Variants in ISL1 observed in about 807,000 individuals in gnomAD.
The protein encoded by ISL1 is ISL LIM homeobox 1, also known as insulin gene enhancer protein ISL-1.
ISL1 carries 4 observed loss-of-function variants against 35.3 expected under a neutral mutation model. The ratio of observed to expected loss-of-function variants is 0.11; its 90% CI spans 0.06 to 0.26. The LOEUF (loss-of-function observed/expected upper bound fraction) is 0.26. Among genes scored for constraint, ISL1 ranks in the 10% least tolerant of loss-of-function variants. ISL1 has a pLI of 1.00. For synonymous variants in ISL1, 186 were observed against 172.3 expected, an observed-to-expected ratio of 1.08 and a Z score of -0.62; for missense variants, 340 against 472.8, an observed-to-expected ratio of 0.72 and a Z score of 2.60.
At chr5:51,390,393 C>A (rs2111850511) in intron 4 of ISL1, among the ~76,000 whole-genome samples, 1 of 152,194 alleles carries the variant, frequency 6.6e-6, no homozygotes, top group Non-Finnish European at 1.5e-5. Context: ...CCCTGTGAGC[C>A]CCCAGGGCGC....
Position 51,393,936 on chromosome 5 carries a change from C to A in ISL1, c.*326C>A, listed in dbSNP as rs1294787199. The stretch of plus-strand genomic sequence containing the variant: ...TCAAGGATCTCAAAGAAAGCATTTT[C>A]ATTTCACTGCACATCTAGAGAAAAA... On this transcript the variant is annotated 3_prime_UTR_variant, in exon 6 of 6. Coordinates refer to ENST00000230658, the MANE Select transcript of ISL1 (RefSeq NM_002202.3). 46 of 353,668 alleles carry A rather than the reference C, an allele frequency of 1.3e-4. No individual in the cohort carries two copies. In the East Asian group the frequency reaches 3.2e-3, roughly 24 times the overall value. The allele number at this position is 353,668 out of a possible 1,614,324, so 21.9% of individuals were successfully genotyped here.
intron 1 of ISL1, 54 bp downstream of exon 1, chr5:51,383,753 C>G (rs1747269989): frequency 1.4e-6 from 2 of 1,478,928 alleles, no homozygotes; most frequent in Admixed American, 3.3e-5. Flanking sequence ...GTGCGGGGTT[C>G]TCTCTCAGGC....
rs1254767855 is a variant in ISL1 at position 51,387,714 on chromosome 5, G to A, written c.443G>A (p.Ser148Asn). 1.3e-5 allele frequency: 21 copies of A among 1,614,202 alleles called. No individual in the cohort carries two copies. Among genetic ancestry groups the A allele is most frequent in the Non-Finnish European group, 1.8e-5 (21 of 1,180,044 alleles). Residue 148 changes from serine to asparagine, a missense_variant, in exon 3 of 6, where the codon AGT (serine) becomes AAT (asparagine). Ser to Asn is a conservative substitution (Grantham distance 46). This residue lies in a region of ISL1 where 94 missense variants were observed against 102.1 expected (regional missense o/e 0.92). Coordinates refer to ENST00000230658, the MANE Select transcript of ISL1 (RefSeq NM_002202.3). The surrounding 1 kb of genome is among the most constrained non-coding windows in gnomAD (Gnocchi z 4.3). ...AGTCTAGGCGCTGGCGACCCGCTCA[G>A]TCCCCTGCATCCAGCGCGGCCACTG... ...RASLGAGDPL[S>N]PLHPARPLQM...
intron 5 of ISL1, 182 bp downstream of exon 5, chr5:51,391,623 C>T (rs1223129462): frequency 1.5e-5 from 8 of 534,420 alleles, no homozygotes; most frequent in East Asian, 7.0e-5. Context: ...CTCTTGGCAT[C>T]TTTTTTTTTT....
rs57707586 is a variant in ISL1 at position 51,390,642 on chromosome 5, C to CTTTTTTTTTTTTTTTTT, written c.766-610_766-594dup. On this transcript the variant is annotated intron_variant, in intron 4 of 5. Coordinates refer to ENST00000230658, the MANE Select transcript of ISL1 (RefSeq NM_002202.3). The stretch of plus-strand genomic sequence containing the variant: ...TCCTTTTTTTCTTTTCTTTCTTTTT[C>CTTTTTTTTTTTTTTTTT]TTTTTTTTTTTTTTTTTTTTTTTTT... 2.5e-3 allele frequency among the ~76,000 whole-genome samples: 100 copies of CTTTTTTTTTTTTTTTTT among 40,100 alleles called. 5 individuals carry two copies. Among genetic ancestry groups the CTTTTTTTTTTTTTTTTT allele is most frequent in the Non-Finnish European group, 3.4e-3 (73 of 21,212 alleles). 26.3% of individuals were successfully genotyped at this position (40,100 alleles called of 152,430 possible). A position where few individuals can be genotyped will look rare whatever the true frequency, so the allele number is the denominator to read the frequency against.
At chr5:51,391,578 T>C (rs2111855216) in intron 5 of ISL1, 137 bp downstream of exon 5, 1 of 935,712 alleles carries the variant, frequency 1.1e-6, no homozygotes, top group African/African-American at 1.6e-5. Flanking sequence ...AGGTGGGTAA[T>C]GAAGAGAAGG....
chr5:51,384,519 CA>C, intron 1 of ISL1, 21 bp from the exon 2 acceptor site: 1 of 1,609,340 alleles, frequency 6.2e-7, no homozygotes. Flanking sequence ...GTTAGTCAAT[CA>C]TGTATTTATT....
At position 51,383,649 on chromosome 5, in the gene ISL1, G is replaced by C. The variant is rs1336379947; in HGVS notation, c.-23G>C. 1 of 1,597,788 alleles carries C rather than the reference G, an allele frequency of 6.3e-7. No homozygotes were observed. The highest frequency in any genetic ancestry group is 8.6e-7 in the Non-Finnish European group (1 of 1,165,148). On this transcript the variant is annotated 5_prime_UTR_variant, in exon 1 of 6. Coordinates refer to ENST00000230658, the MANE Select transcript of ISL1 (RefSeq NM_002202.3). ...AACTGTACAACCACCATTTCACTGT[G>C]GACATTACTCCCTCTTACAGATATG...
intron 5 of ISL1, among the ~76,000 whole-genome samples, 189 bp downstream of exon 5, chr5:51,391,630 T>A (rs952666318): frequency 2.0e-5 from 3 of 152,086 alleles, no homozygotes; most frequent in Admixed American, 2.0e-4. Context: ...CATCTTTTTT[T>A]TTTTAATGAG....
chr5:51,393,557 T>C lies in ISL1; in HGVS notation c.997T>C (p.Ser333Pro). ...TGGCAGTGAAGTAGCATCAATGTCC[T>C]CTCAACTTCCAGATACACCTAACAG... is the stretch of plus-strand genomic sequence containing the variant. The part of the protein sequence containing the change: ...STGSEVASMS[S>P]QLPDTPNSMV... The change falls in exon 6 of 6, where the codon TCT becomes CCT. Residue 333 changes from serine to proline, a missense_variant. By Grantham distance (74) the Ser-to-Pro change is moderately conservative (BLOSUM62 -1). Coordinates refer to ENST00000230658, the MANE Select transcript of ISL1 (RefSeq NM_002202.3). 1 of 1,614,002 alleles carries C rather than the reference T, an allele frequency of 6.2e-7. No homozygotes were observed. The highest frequency in any genetic ancestry group is 8.5e-7 in the Non-Finnish European group (1 of 1,179,846).
In ISL1 at chr5:51,389,565, G is replaced by A. The variant is rs1342678249; in HGVS notation, c.479-81G>A. 3.9e-6 allele frequency: 5 copies of A among 1,290,314 alleles called. No individual in the cohort carries two copies. In the African/African-American group the frequency reaches 6.3e-5, roughly 16 times the overall value. The allele number at this position is 1,290,314 out of a possible 1,614,324, so 79.9% of individuals were successfully genotyped here. ...AGCGGGCGGGCGGGCGGGCAAGCGA[G>A]CGAGCGAGCGAGCGCGCGACCGCGG... On this transcript the variant is annotated intron_variant, in intron 3 of 5. Transcript: ENST00000230658. This position sits in a 1 kb window ranked among gnomAD's most constrained non-coding sequence, Gnocchi z 5.0.
rs1209779258 is a variant in ISL1 at position 51,387,428 on chromosome 5, C to G, written c.219-62C>G. ...CAGGGAAGTGCCGGCCTGAAGTGAC[C>G]CCCTCTTCCTGTACTTCTCTCCCCG... On this transcript the variant is annotated intron_variant, in intron 2 of 5. Transcript: ENST00000230658. The surrounding 1 kb of genome is among the most constrained non-coding windows in gnomAD (Gnocchi z 4.3). 6 of 1,580,810 alleles carry G rather than the reference C, an allele frequency of 3.8e-6. No individual in the cohort carries two copies. In the African/African-American group the frequency reaches 8.1e-5, roughly 21 times the overall value.
At chr5:51,384,875 A>T (rs1283600254) in intron 2 of ISL1, 145 bp downstream of exon 2, 4 of 761,764 alleles carry the variant, frequency 5.3e-6, no homozygotes, top group African/African-American at 1.9e-5. Context: ...TACATGTGTT[A>T]AAAAAATCAA....
rs1747360596 is a variant in ISL1 at position 51,387,024 on chromosome 5, G to A, written c.219-466G>A. ...TTTGTTGCAGTTTTAGACATTTCTA[G>A]CAGCAGAAATTGTGGGATAGGGAAG... is the stretch of plus-strand genomic sequence containing the variant. On this transcript the variant is annotated intron_variant, in intron 2 of 5. Coordinates refer to ENST00000230658, the MANE Select transcript of ISL1 (RefSeq NM_002202.3). The surrounding 1 kb of genome is among the most constrained non-coding windows in gnomAD (Gnocchi z 4.3). Among the ~76,000 whole-genome samples the A allele has an allele frequency of 6.6e-6, 1 of 152,046 alleles. No individual in the cohort carries two copies. The highest frequency in any genetic ancestry group is 1.9e-4 in the East Asian group (1 of 5,164).
Position 51,389,821 on chromosome 5 carries a change from G to A in ISL1, c.654G>A (p.Thr218=), listed in dbSNP as rs547239921. The A allele has an allele frequency of 6.2e-7, 1 of 1,614,214 alleles. No individual in the cohort carries two copies. The highest frequency in any genetic ancestry group is 1.1e-5 in the South Asian group (1 of 91,090). The change falls in exon 4 of 6, where the codon ACG becomes ACA. Residue 218 remains threonine (T), a synonymous_variant. Coordinates refer to ENST00000230658, the MANE Select transcript of ISL1 (RefSeq NM_002202.3). This position sits in a 1 kb window ranked among gnomAD's most constrained non-coding sequence, Gnocchi z 5.0. ...ALMKEQLVEM[T]GLSPRVIRVW... is the part of the protein sequence containing the mutation. Reference sequence around the variant, plus strand: ...TGAAGGAGCAACTGGTAGAGATGACGGGCCTCAGTCCCCGTGTGATCCGGG... The same window carrying A: ...TGAAGGAGCAACTGGTAGAGATGACAGGCCTCAGTCCCCGTGTGATCCGGG...
chr5:51,384,853 A>G lies in ISL1; in HGVS notation c.218+123A>G, dbSNP rs1446329649. ...TTGCCTCAGTGTAGTCATACAAGCC[A>G]AAGTTACCCTGTACATGTGTTAAAA... On this transcript the variant is annotated intron_variant, in intron 2 of 5. Transcript: ENST00000230658. The G allele has an allele frequency of 3.4e-6, 3 of 883,156 alleles. No homozygotes were observed. The East Asian group carries it at 7.4e-5, about 22-fold the overall frequency. 54.7% of individuals were successfully genotyped at this position (883,156 alleles called of 1,614,324 possible). A position where few individuals can be genotyped will look rare whatever the true frequency, so the allele number is the denominator to read the frequency against.
rs1747263199 is a variant in ISL1 at position 51,383,533 on chromosome 5, C to G, written c.-139C>G. 1 of 794,538 alleles carries G rather than the reference C, an allele frequency of 1.3e-6. No individual in the cohort carries two copies. Among genetic ancestry groups the G allele is most frequent in the Admixed American group, 1.9e-5 (1 of 53,870 alleles). The allele number at this position is 794,538 out of a possible 1,614,324, so 49.2% of individuals were successfully genotyped here. A position where few individuals can be genotyped will look rare whatever the true frequency, so the allele number is the denominator to read the frequency against. On this transcript the variant is annotated 5_prime_UTR_variant, in exon 1 of 6. Coordinates refer to ENST00000230658, the MANE Select transcript of ISL1 (RefSeq NM_002202.3). ...TAGATCCGCGAGGGCGCGGCGCAGC[C>G]GAGCAGCGGCTCTTTCAGCATTGGC...
chr5:51,389,891 A>G lies in ISL1; in HGVS notation c.724A>G (p.Met242Val). The G allele has an allele frequency of 6.2e-7, 1 of 1,614,168 alleles. No homozygotes were observed. Among genetic ancestry groups the G allele is most frequent in the Non-Finnish European group, 8.5e-7 (1 of 1,179,996 alleles). The change falls in exon 4 of 6, where the codon ATG (methionine) becomes GTG (valine). Residue 242 changes from methionine to valine, a missense_variant. Physicochemically the swap from Met to Val is conservative, Grantham distance 21 (BLOSUM62 1). This residue lies in a region of ISL1 where 25 missense variants were observed against 43.2 expected (regional missense o/e 0.58). Coordinates refer to ENST00000230658, the MANE Select transcript of ISL1 (RefSeq NM_002202.3). The surrounding 1 kb of genome is among the most constrained non-coding windows in gnomAD (Gnocchi z 5.0). The stretch of plus-strand genomic sequence containing the variant: ...GTGCAAGGACAAGAAGCGAAGCATC[A>G]TGATGAAGCAACTCCAGCAGCAGCA... ...KRCKDKKRSI[M>V]MKQLQQQQPN... is the part of the protein sequence containing the mutation.
chr5:51,389,978 C>T lies in ISL1; in HGVS notation c.765+46C>T, dbSNP rs200062297. The T allele has an allele frequency of 6.3e-6, 10 of 1,597,868 alleles. No individual in the cohort carries two copies. The Admixed American group carries it at 8.5e-5, about 14-fold the overall frequency. On this transcript the variant is annotated intron_variant, in intron 4 of 5. Transcript: ENST00000230658. The surrounding 1 kb of genome is among the most constrained non-coding windows in gnomAD (Gnocchi z 5.0). ...GCAGGGAATGCGAGGGGGAAGGAGACGCAGCGTGCGAGGTGCGTTCCTGGT... is the reference window on the plus strand; with the variant it reads ...GCAGGGAATGCGAGGGGGAAGGAGATGCAGCGTGCGAGGTGCGTTCCTGGT...
Sources: allele counts gnomAD v4.1 joint callset (sites outside exome capture counted in the v4.1 genomes callset), GRCh38; gene constraint gnomAD v4.1.1; regional missense constraint gnomAD v4.1.1; non-coding constraint Gnocchi (gnomAD v3.1); transcripts MANE v1.5; gene names NCBI Gene and HGNC (gene_info 2026-07-23, HGNC 2026-07-21).